DYM: variants seen among roughly 807,000 people sequenced by gnomAD.
DYM encodes the protein dyggve-Melchior-Clausen syndrome protein.
Under a neutral mutation model 93.1 loss-of-function variants are expected in DYM, and 78 were observed. The ratio of observed to expected loss-of-function variants is 0.84; its 90% CI spans 0.70 to 1.01. The LOEUF is 1.01. DYM is among the 50% of genes least tolerant of loss of function. DYM has a pLI of 0.00. For missense variants in DYM, 789 were observed against 845.0 expected (o/e 0.93, Z 0.82); for synonymous variants, 321 against 319.7 (o/e 1.00, Z -0.04).
rs184393279 is a variant in DYM at position 49,105,192 on chromosome 18, C to T, written c.1912-7677G>A. The stretch of plus-strand genomic sequence containing the variant: ...TCTTCTAGATTTTCTAGTTTATTTG[C>T]GTAGAGGTGCTTATAGCATTCTCTG... On this transcript the variant is annotated intron_variant, in intron 16 of 17. Coordinates refer to ENST00000675505, the MANE Select transcript of DYM (RefSeq NM_001353214.3). Among the ~76,000 whole-genome samples, 491 of 152,264 alleles carry T rather than the reference C, an allele frequency of 3.2e-3. 1 individual carries two copies. The highest frequency in any genetic ancestry group is 0.011 in the African/African-American group (473 of 41,550).
At chr18:49,329,438 AAAG>A (rs2063157837) in intron 8 of DYM, 1 of 152,264 alleles carries the variant, frequency 6.6e-6, no homozygotes, top group South Asian at 2.1e-4. Flanking sequence ...TAATTTAAAA[AAAG>A]AAGAAAGCAA....
At chr18:49,443,497 T>C (rs1473275038) in intron 1 of DYM, among the ~76,000 whole-genome samples, 1 of 152,232 alleles carries the variant, frequency 6.6e-6, no homozygotes, top group Admixed American at 6.5e-5. Context: ...GTCACACTTG[T>C]AAGTCACAGT....
intron 14 of DYM, among the ~76,000 whole-genome samples, chr18:49,167,039 C>A (rs1439940689): frequency 6.8e-6 from 1 of 147,110 alleles, no homozygotes. Flanking sequence ...TGTGTGCGCG[C>A]CTGTGTCCCC....
chr18:49,105,902 G>T (rs1194173542), intron 16 of DYM, among the ~76,000 whole-genome samples: 1 of 152,238 alleles, frequency 6.6e-6, no homozygotes, highest in Non-Finnish European at 1.5e-5. Flanking sequence ...GGGGTGGAGA[G>T]TTCTGTAGAT....
intron 15 of DYM, among the ~76,000 whole-genome samples, chr18:49,132,479 A>G (rs1411139997): frequency 1.3e-5 from 2 of 152,124 alleles, no homozygotes; most frequent in Non-Finnish European, 2.9e-5. Flanking sequence ...ACACACTGTT[A>G]AAAAAGGAGG....
chr18:49,056,594 T>C (rs926180935), intron 17 of DYM, among the ~76,000 whole-genome samples: 7 of 152,160 alleles, frequency 4.6e-5, no homozygotes, highest in South Asian at 2.1e-4. Flanking sequence ...CTGGAGTGCA[T>C]TGGTGTGATC....
chr18:49,156,952 C>A (rs925973317), intron 15 of DYM, among the ~76,000 whole-genome samples: 3 of 151,800 alleles, frequency 2.0e-5, no homozygotes, highest in Non-Finnish European at 4.4e-5. Context: ...CTGGCACATG[C>A]CTGGCATTCA....
chr18:49,245,963 GGT>G (rs1277001490), intron 13 of DYM, among the ~76,000 whole-genome samples: 3 of 152,176 alleles, frequency 2.0e-5, no homozygotes. Flanking sequence ...ATTGGGGGCT[GGT>G]TCCCCCGATA....
At chr18:49,292,624 A>AAAAAAAAAAAAAAC (rs1568189068) in intron 8 of DYM, among the ~76,000 whole-genome samples, 4 of 65,054 alleles carry the variant, frequency 6.1e-5, no homozygotes, top group South Asian at 1.1e-3. Context: ...AAAAAAAAAA[A>AAAAAAAAAAAAAAC]ACCCCCACAA....
At chr18:49,284,158 G>A (rs1283203421) in intron 9 of DYM, among the ~76,000 whole-genome samples, 1 of 152,132 alleles carries the variant, frequency 6.6e-6, no homozygotes, top group East Asian at 1.9e-4. Context: ...TGACTGCAAA[G>A]GGAATATGTG....
At chr18:49,288,201 C>T (rs910893576) in intron 8 of DYM, among the ~76,000 whole-genome samples, 2 of 152,144 alleles carry the variant, frequency 1.3e-5, no homozygotes, top group Non-Finnish European at 2.9e-5. Context: ...TACTCCATTA[C>T]TGACACACTA....
At chr18:49,207,079 T>A (rs1600653933) in intron 14 of DYM, among the ~76,000 whole-genome samples, 1 of 152,162 alleles carries the variant, frequency 6.6e-6, no homozygotes, top group African/African-American at 2.4e-5. Context: ...TCCTTCTCCT[T>A]TTTCTTTCAT....
At chr18:49,391,502 G>T (rs113674422) in intron 3 of DYM, 91 bp downstream of exon 3, 2 of 1,258,038 alleles carry the variant, frequency 1.6e-6, no homozygotes, top group Non-Finnish European at 2.3e-6. Context: ...TCAAAGAAGA[G>T]TAATTACTTC....
chr18:49,134,770 G>A (rs1284390368), intron 15 of DYM, among the ~76,000 whole-genome samples: 3 of 152,174 alleles, frequency 2.0e-5, no homozygotes, highest in Non-Finnish European at 2.9e-5. Flanking sequence ...TCACCTTGGA[G>A]TTATAAAATC....
At chr18:49,141,641 G>A (rs2084510757) in intron 15 of DYM, among the ~76,000 whole-genome samples, 1 of 152,092 alleles carries the variant, frequency 6.6e-6, no homozygotes, top group African/African-American at 2.4e-5. Flanking sequence ...CTTTCTCAGA[G>A]AGCAAACCCC....
chr18:49,231,980 T>C (rs2093708539), intron 13 of DYM, among the ~76,000 whole-genome samples: 1 of 152,170 alleles, frequency 6.6e-6, no homozygotes, highest in Non-Finnish European at 1.5e-5. Flanking sequence ...GATAAAAAAT[T>C]TTAAAACATG....
chr18:49,258,917 T>C (rs527019), intron 11 of DYM, among the ~76,000 whole-genome samples: 22,761 of 139,380 alleles, frequency 0.16, 2,036 homozygotes, highest in African/African-American at 0.19. Flanking sequence ...CAGGTGCGAA[T>C]ACTGGGCAGC....
chr18:49,075,511 G>A (rs1267655832), intron 17 of DYM, among the ~76,000 whole-genome samples: 2 of 152,164 alleles, frequency 1.3e-5, no homozygotes, highest in East Asian at 1.9e-4. Context: ...GGAAATGTAG[G>A]GAAAGAAGGA....
At chr18:49,332,781 C>A (rs1355625833) in intron 7 of DYM, among the ~76,000 whole-genome samples, 2 of 152,052 alleles carry the variant, frequency 1.3e-5, no homozygotes, top group East Asian at 1.9e-4. Flanking sequence ...AACACTAACA[C>A]CCTCTATGTC....
Sources: gnomAD v4.1 joint callset for allele counts (sites outside exome capture counted in the v4.1 genomes callset) on GRCh38, gnomAD v4.1.1 for gene constraint, MANE v1.5 for transcripts, NCBI Gene and HGNC (gene_info 2026-07-23, HGNC 2026-07-21) for gene names.